The following CEBPZOS variants were observed in gnomAD, a reference collection of about 807,000 sequenced individuals.
CEBPZOS encodes the protein protein CEBPZOS.
A neutral mutation model predicts 4.8 loss-of-function variants in CEBPZOS; 10 were observed. The observed-to-expected ratio is 2.07, with a 90% confidence interval of 1.28 to 3.52. CEBPZOS has a LOEUF of 3.52. CEBPZOS is among the 30% of genes most tolerant of loss of function. CEBPZOS has a pLI of 0.00. For missense variants in CEBPZOS, 98 were observed against 43.6 expected (o/e 2.25, Z -3.51); for synonymous variants, 25 against 14.2 (o/e 1.77, Z -1.72).
At position 37,212,465 on chromosome 2, in the gene CEBPZOS, A is replaced by G. The variant is rs971058750; in HGVS notation, c.*3-972A>G. The G allele has an allele frequency of 6.3e-6, 8 of 1,268,668 alleles. No individual in the cohort carries two copies. In the African/African-American group the frequency reaches 8.8e-5, roughly 14 times the overall value. 78.6% of individuals were successfully genotyped at this position (1,268,668 alleles called of 1,614,324 possible). On this transcript the variant is annotated intron_variant, in intron 4 of 4. Coordinates refer to the CEBPZOS transcript ENST00000397064. Reference sequence around the variant, plus strand: ...TGACATATATCTTGTATCTGAATCAATTATTCTAAGTCATGATTCTGCTGT... The same window carrying G: ...TGACATATATCTTGTATCTGAATCAGTTATTCTAAGTCATGATTCTGCTGT...
intron 4 of CEBPZOS, chr2:37,211,756 A>G: frequency 4.3e-6 from 4 of 934,846 alleles, no homozygotes; most frequent in East Asian, 2.7e-5. Context: ...ATACAGGGCT[A>G]TATTAAAAAC....
chr2:37,214,601 T>C (rs1677824410), downstream of CEBPZOS, among the ~76,000 whole-genome samples: 1 of 152,172 alleles, frequency 6.6e-6, no homozygotes, highest in Non-Finnish European at 1.5e-5. Context: ...CTCCCAAATT[T>C]ACTTTAGTTT....
At chr2:37,201,434 A>G (rs987561115) in intron 3 of CEBPZOS, 174 of 532,820 alleles carry the variant, frequency 3.3e-4, no homozygotes, top group Non-Finnish European at 5.3e-5. Flanking sequence ...TAAAGACTGA[A>G]CAAGATGACA....
intron 4 of CEBPZOS, chr2:37,210,269 C>T (rs1461667358): frequency 6.6e-6 from 1 of 152,236 alleles, no homozygotes; most frequent in East Asian, 1.9e-4. Flanking sequence ...AGCAATCCCA[C>T]CACTGGGTAC....
At chr2:37,201,202 T>G (rs1677214161) in intron 3 of CEBPZOS, 110 bp downstream of exon 3, 11 of 631,304 alleles carry the variant, frequency 1.7e-5, no homozygotes, top group South Asian at 1.6e-4. Context: ...TTCACATGTA[T>G]TTTAGTTCTT....
chr2:37,212,626 C>G (rs1236493717), intron 4 of CEBPZOS: 1 of 527,486 alleles, frequency 1.9e-6, no homozygotes, highest in Non-Finnish European at 3.3e-6. Flanking sequence ...TCGGCTCTTT[C>G]TACAGTTCTT....
At chr2:37,210,967 G>A in intron 4 of CEBPZOS, 1 of 1,499,754 alleles carries the variant, frequency 6.7e-7, no homozygotes, top group Non-Finnish European at 9.2e-7. Context: ...CATGGACACT[G>A]CTTTTAAAAG....
Position 37,204,671 on chromosome 2 carries a change from A to ACAC in CEBPZOS, c.*2813_*2815dup, listed in dbSNP as rs1388949396. The ACAC allele has an allele frequency of 2.6e-5, 4 of 152,188 alleles. No individual in the cohort carries two copies. Among genetic ancestry groups the ACAC allele is most frequent in the Non-Finnish European group, 4.4e-5 (3 of 68,014 alleles). The allele number at this position is 152,188 out of a possible 1,614,324, so 9.4% of individuals were successfully genotyped here. A position where few individuals can be genotyped will look rare whatever the true frequency, so the allele number is the denominator to read the frequency against. On this transcript the variant is annotated 3_prime_UTR_variant, in exon 5 of 5. Transcript: ENST00000402297. The stretch of plus-strand genomic sequence containing the variant: ...TTTATTCTTAAGGATATCTACTCTA[A>ACAC]CACCTGTAAATGTAGGGTGATCAAT...
At chr2:37,208,722 A>T (rs1677619968), downstream of CEBPZOS, among the ~76,000 whole-genome samples, 1 of 152,290 alleles carries the variant, frequency 6.6e-6, no homozygotes, top group East Asian at 1.9e-4. Context: ...ATTCCCCCTG[A>T]GAACTGGAAC....
intron 4 of CEBPZOS, chr2:37,211,394 A>G: frequency 4.0e-6 from 1 of 251,292 alleles, no homozygotes; most frequent in East Asian, 8.0e-5. Context: ...AATGTTGGGC[A>G]GGCATGTGCA....
intron 1 of CEBPZOS, chr2:37,198,762 A>G (rs185576506): frequency 1.3e-5 from 2 of 152,360 alleles, no homozygotes; most frequent in East Asian, 1.9e-4. Flanking sequence ...TTTTAAAGGA[A>G]GACAATCAAG....
At chr2:37,197,075 C>T (rs1010970998) in intron 1 of CEBPZOS, among the ~76,000 whole-genome samples, 8 of 152,186 alleles carry the variant, frequency 5.3e-5, no homozygotes, top group South Asian at 4.1e-4. Flanking sequence ...GTCTCAGCCC[C>T]GTGTGATGTT....
chr2:37,208,019 A>G (rs1677596393), downstream of CEBPZOS, among the ~76,000 whole-genome samples: 1 of 152,174 alleles, frequency 6.6e-6, no homozygotes, highest in Non-Finnish European at 1.5e-5. Flanking sequence ...TACTATGAAC[A>G]CCTTTATGCA....
Position 37,201,876 on chromosome 2 carries a change from T to TCAGC in CEBPZOS, c.*18_*21dup. 1 of 1,614,032 alleles carries TCAGC rather than the reference T, an allele frequency of 6.2e-7. No homozygotes were observed. Among genetic ancestry groups the TCAGC allele is most frequent in the Non-Finnish European group, 8.5e-7 (1 of 1,179,946 alleles). The stretch of plus-strand genomic sequence containing the variant: ...TCTGTTGTGTAGCCAGTCATCACGT[T>TCAGC]CAGCCTCCCATCTAAGCTGTTTGAG... On this transcript the variant is annotated 3_prime_UTR_variant, in exon 5 of 5. Coordinates refer to ENST00000402297, the MANE Select transcript of CEBPZOS (RefSeq NM_001322374.2).
At chr2:37,199,161 A>T (rs1159665831) in intron 1 of CEBPZOS, among the ~76,000 whole-genome samples, 1 of 152,072 alleles carries the variant, frequency 6.6e-6, no homozygotes, top group East Asian at 1.9e-4. Flanking sequence ...AGTTTAGTAT[A>T]TGTTGTATTA....
downstream of CEBPZOS, among the ~76,000 whole-genome samples, chr2:37,206,221 G>A (rs957463947): frequency 1.4e-4 from 21 of 152,242 alleles, no homozygotes; most frequent in Admixed American, 7.9e-4. Flanking sequence ...AGAACAGCGT[G>A]TGGCAACGTG....
downstream of CEBPZOS, among the ~76,000 whole-genome samples, chr2:37,207,535 A>C (rs1677580049): frequency 6.6e-6 from 1 of 152,214 alleles, no homozygotes; most frequent in African/African-American, 2.4e-5. Flanking sequence ...TGGAAATTTA[A>C]TAATCTGCTC....
At chr2:37,200,758 A>G (rs1677184619) in intron 2 of CEBPZOS, among the ~76,000 whole-genome samples, 1 of 152,038 alleles carries the variant, frequency 6.6e-6, no homozygotes, top group African/African-American at 2.4e-5. Flanking sequence ...CATCCCAGCT[A>G]CTTGACCTTG....
downstream of CEBPZOS, among the ~76,000 whole-genome samples, chr2:37,207,889 G>A (rs535926382): frequency 3.3e-3 from 497 of 151,928 alleles, 4 homozygotes; most frequent in African/African-American, 0.012. Context: ...AAAGAAAATC[G>A]GTAGACCATT....
Sources: allele counts gnomAD v4.1 joint callset (sites outside exome capture counted in the v4.1 genomes callset), GRCh38; gene constraint gnomAD v4.1.1; transcripts MANE v1.5; gene names NCBI Gene and HGNC (gene_info 2026-07-23, HGNC 2026-07-21).